The following KDM5B variants were observed in gnomAD, a reference collection of about 807,000 sequenced individuals.
KDM5B encodes the protein lysine demethylase 5B, also known as lysine-specific demethylase 5B.
KDM5B carries 144 observed loss-of-function variants against 193.4 expected under a neutral mutation model. The ratio of observed to expected loss-of-function variants is 0.74; its 90% CI spans 0.65 to 0.86. The LOEUF is 0.86. KDM5B is among the 40% of genes least tolerant of loss of function. KDM5B has a pLI of 0.00. For synonymous variants in KDM5B, 668 were observed against 682.6 expected (o/e 0.98, Z 0.33); for missense variants, 1,833 against 1,886.9 (o/e 0.97, Z 0.53).
In KDM5B at chr1:202,749,075, T is replaced by G; in HGVS notation, c.1886A>C (p.His629Pro). ...AGCCATCTTGCAGATCATCTCATCG[T>G]GGGAAAACACACAATATCGATGAAG... ...RLLHRYCVFS[H>P]DEMICKMASK... is the part of the protein sequence containing the mutation. Residue 629 changes from histidine (H) to proline (P), a missense_variant, in exon 14 of 27, where the codon CAC (histidine) becomes CCC (proline). Coordinates refer to ENST00000367265, the MANE Select transcript of KDM5B (RefSeq NM_006618.5). The G allele has an allele frequency of 6.2e-7, 1 of 1,614,178 alleles. No individual in the cohort carries two copies. The highest frequency in any genetic ancestry group is 8.5e-7 in the Non-Finnish European group (1 of 1,180,014).
chr1:202,750,447 G>T (rs1213977873), intron 13 of KDM5B, among the ~76,000 whole-genome samples: 1 of 152,004 alleles, frequency 6.6e-6, no homozygotes, highest in Admixed American at 6.5e-5. Context: ...CCTAATTTTT[G>T]TATTTTTAGT....
intron 3 of KDM5B, among the ~76,000 whole-genome samples, 178 bp downstream of exon 3, chr1:202,774,435 T>C (rs746361358): frequency 2.0e-5 from 3 of 152,116 alleles, no homozygotes; most frequent in Non-Finnish European, 4.4e-5. Flanking sequence ...AAACACAGGG[T>C]TTCCTTATGT....
intron 20 of KDM5B, among the ~76,000 whole-genome samples, chr1:202,740,007 G>A (rs1328265491): frequency 1.3e-5 from 2 of 152,260 alleles, no homozygotes; most frequent in African/African-American, 2.4e-5. Context: ...CCCAGACGGG[G>A]TGGTGGCCGG....
intron 7 of KDM5B, among the ~76,000 whole-genome samples, chr1:202,762,050 G>A (rs1385040132): frequency 2.0e-5 from 3 of 152,212 alleles, no homozygotes; most frequent in East Asian, 1.9e-4. Flanking sequence ...ACCGTTTCAG[G>A]CTCTCAGAAG....
At position 202,729,124 on chromosome 1, in the gene KDM5B, A is replaced by G; in HGVS notation, c.4547T>C (p.Val1516Ala). 6.2e-7 allele frequency: 1 copy of G among 1,614,100 alleles called. No homozygotes were observed. Among genetic ancestry groups the G allele is most frequent in the Non-Finnish European group, 8.5e-7 (1 of 1,179,980 alleles). Residue 1516 changes from valine to alanine, a missense_variant, in exon 27 of 27, where the codon GTC (valine) becomes GCC (alanine). Transcript: ENST00000367265. The part of the protein sequence containing the change: ...DGSCNQWFHQ[V>A]CVGVSPEMAE... ...CATCTCTGGGGAGACACCAACACAG[A>G]CCTGATGAAACCACTGATTGCAGCT...
intron 1 of KDM5B, among the ~76,000 whole-genome samples, chr1:202,802,666 T>C (rs12127021): frequency 0.18 from 28,107 of 151,950 alleles, 2,944 homozygotes; most frequent in Middle Eastern, 0.28. Context: ...AGTGCTGGGA[T>C]TACAGGCACG....
At position 202,725,428 on chromosome 1, in the gene KDM5B, G is replaced by T. The variant is rs1654640362; in HGVS notation, c.*3608C>A. The T allele has an allele frequency of 6.6e-6, 1 of 152,166 alleles. No homozygotes were observed. The highest frequency in any genetic ancestry group is 2.4e-5 in the African/African-American group (1 of 41,428). The allele number at this position is 152,166 out of a possible 1,614,324, so 9.4% of individuals were successfully genotyped here. The stretch of plus-strand genomic sequence containing the variant: ...AACATTTCTATAATAAGTTACACAT[G>T]AAGCCTCCCAAAAGAAAGCTGAGAA... On this transcript the variant is annotated 3_prime_UTR_variant, in exon 27 of 27. Coordinates refer to ENST00000367265, the MANE Select transcript of KDM5B (RefSeq NM_006618.5).
At chr1:202,738,803 G>A (rs1056582348) in intron 20 of KDM5B, among the ~76,000 whole-genome samples, 15 of 152,156 alleles carry the variant, frequency 9.9e-5, no homozygotes, top group Non-Finnish European at 1.3e-4. Context: ...CCAGTCGTCT[G>A]AAAACTGGGA....
At chr1:202,786,973 C>T (rs1421576135) in intron 1 of KDM5B, among the ~76,000 whole-genome samples, 1 of 152,108 alleles carries the variant, frequency 6.6e-6, no homozygotes, top group African/African-American at 2.4e-5. Flanking sequence ...AAGATCTTAG[C>T]TTTATTCCTA....
chr1:202,798,192 C>G (rs958296796), intron 1 of KDM5B, among the ~76,000 whole-genome samples: 6 of 151,544 alleles, frequency 4.0e-5, no homozygotes, highest in African/African-American at 1.2e-4. Flanking sequence ...ATAGTGAGAC[C>G]CTGTCTCAAA....
chr1:202,767,423 C>T (rs894350149), intron 4 of KDM5B: 12 of 1,379,014 alleles, frequency 8.7e-6, no homozygotes, highest in East Asian at 4.6e-5. Flanking sequence ...CCCAACATAG[C>T]GCTGCTGGAA....
At chr1:202,753,912 G>A (rs904696967) in intron 11 of KDM5B, among the ~76,000 whole-genome samples, 10 of 151,744 alleles carry the variant, frequency 6.6e-5, no homozygotes, top group East Asian at 1.9e-4. Context: ...CAGGTGAACC[G>A]CCCGCCTCAG....
chr1:202,755,788 G>C (rs1373549764), intron 10 of KDM5B, among the ~76,000 whole-genome samples: 3 of 152,074 alleles, frequency 2.0e-5, no homozygotes, highest in African/African-American at 7.2e-5. Flanking sequence ...CATAGTGCTC[G>C]TCCTGAAAGA....
chr1:202,775,447 A>G (rs1558506930), intron 2 of KDM5B, among the ~76,000 whole-genome samples: 1 of 151,544 alleles, frequency 6.6e-6, no homozygotes, highest in African/African-American at 2.4e-5. Flanking sequence ...TGAGGCAGGA[A>G]AATCACTTGA....
intron 1 of KDM5B, among the ~76,000 whole-genome samples, chr1:202,803,679 CG>C (rs2102352066): frequency 6.6e-6 from 1 of 151,978 alleles, no homozygotes; most frequent in East Asian, 1.9e-4. Context: ...CAAAGTTAGC[CG>C]GGCGTGGCGG....
intron 18 of KDM5B, 39 bp downstream of exon 18, chr1:202,742,352 A>T: frequency 7.2e-7 from 1 of 1,379,790 alleles, no homozygotes; most frequent in Non-Finnish European, 1.0e-6. Flanking sequence ...AAAATACAGG[A>T]TTACCAAAGT....
Position 202,741,632 on chromosome 1 carries a change from G to GC in KDM5B, c.2679dup (p.Leu894AlafsTer6). ...ACATCAAATTCAAAGCTGACATCTAGCAAGTCCTGCAGCTCCGCAGCACTA... is the reference window on the plus strand; with the variant it reads ...ACATCAAATTCAAAGCTGACATCTAGCCAAGTCCTGCAGCTCCGCAGCACTA... On this transcript the variant is annotated frameshift_variant, in exon 19 of 27. Coordinates refer to ENST00000367265, the MANE Select transcript of KDM5B (RefSeq NM_006618.5). LOFTEE classifies it high-confidence loss of function. The GC allele has an allele frequency of 6.2e-7, 1 of 1,614,110 alleles. No homozygotes were observed. The highest frequency in any genetic ancestry group is 8.5e-7 in the Non-Finnish European group (1 of 1,179,972).
chr1:202,759,017 A>G (rs1160772741), intron 8 of KDM5B: 3 of 152,550 alleles, frequency 2.0e-5, no homozygotes, highest in African/African-American at 4.8e-5. Flanking sequence ...AGACTTGAAT[A>G]TTCCAGATCC....
chr1:202,774,508 G>GGTAAT (rs1656856857), intron 3 of KDM5B, 105 bp downstream of exon 3: 2 of 1,045,386 alleles, frequency 1.9e-6, no homozygotes, highest in Non-Finnish European at 2.9e-6. Context: ...GATTACAGGT[G>GGTAAT]CGAGCCACCT....
Sources: gnomAD v4.1 joint callset for allele counts (sites outside exome capture counted in the v4.1 genomes callset) on GRCh38, gnomAD v4.1.1 for gene constraint, MANE v1.5 for transcripts, NCBI Gene and HGNC (gene_info 2026-07-23, HGNC 2026-07-21) for gene names.